The following LDLRAD4 variants were observed in gnomAD, a reference collection of about 807,000 sequenced individuals.
LDLRAD4 encodes low-density lipoprotein receptor class A domain-containing protein 4.
In LDLRAD4, 5 loss-of-function variants were observed where a neutral mutation model predicts 17.0. The ratio of observed to expected loss-of-function variants is 0.29; its 90% CI spans 0.15 to 0.62. The LOEUF (loss-of-function observed/expected upper bound fraction) is 0.62. LDLRAD4 is among the 20% of genes least tolerant of loss of function. The probability of loss-of-function intolerance (pLI) is 0.84; values close to 1 mark genes in which losing one functional copy is unlikely to be tolerated. For missense variants in LDLRAD4, 340 were observed against 424.7 expected, an observed-to-expected ratio of 0.80 and a Z score of 1.75; for synonymous variants, 168 against 171.8, an observed-to-expected ratio of 0.98 and a Z score of 0.17.
chr18:13,225,131 A>C (rs527627134), intron 1 of LDLRAD4, among the ~76,000 whole-genome samples: 3 of 152,304 alleles, frequency 2.0e-5, no homozygotes, highest in Non-Finnish European at 2.9e-5. Context: ...CCACTGCGCC[A>C]GGCCAAGAGT....
At chr18:13,459,838 G>A (rs1212179020) in intron 3 of LDLRAD4, 4 of 153,900 alleles carry the variant, frequency 2.6e-5, no homozygotes, top group African/African-American at 4.8e-5. Flanking sequence ...TGCGCTTTAA[G>A]GAGCACGTGC....
At chr18:13,374,778 G>A (rs559082464) in intron 1 of LDLRAD4, among the ~76,000 whole-genome samples, 1 of 152,206 alleles carries the variant, frequency 6.6e-6, no homozygotes, top group Non-Finnish European at 1.5e-5. Context: ...CACCTGCTAG[G>A]TGTGTGTCTG....
At chr18:13,415,911 C>A (rs2088850900) in intron 2 of LDLRAD4, among the ~76,000 whole-genome samples, 1 of 152,238 alleles carries the variant, frequency 6.6e-6, no homozygotes. Flanking sequence ...CAGGGGAGAG[C>A]CTTCCAGGAT....
intron 1 of LDLRAD4, 81 bp downstream of exon 1, chr18:13,219,069 C>A: frequency 7.3e-6 from 1 of 137,190 alleles, no homozygotes; most frequent in Non-Finnish European, 1.6e-5. Context: ...CTTGTTTAAA[C>A]TTTTTTTTTT....
intron 3 of LDLRAD4, among the ~76,000 whole-genome samples, chr18:13,582,540 C>A (rs1490829106): frequency 6.6e-6 from 1 of 152,178 alleles, no homozygotes; most frequent in Non-Finnish European, 1.5e-5. Flanking sequence ...TTCCTTTGAG[C>A]GATGGGAGGA....
At chr18:13,459,369 G>GT in intron 3 of LDLRAD4, among the ~76,000 whole-genome samples, 1 of 31,734 alleles carries the variant, frequency 3.2e-5, no homozygotes, top group East Asian at 7.0e-4. Flanking sequence ...ATAACATTTG[G>GT]TGTTTTTTTT....
At chr18:13,434,250 T>TG (rs1366444598) in intron 2 of LDLRAD4, among the ~76,000 whole-genome samples, 1 of 150,862 alleles carries the variant, frequency 6.6e-6, no homozygotes, top group Non-Finnish European at 1.5e-5. Flanking sequence ...TCTCCTAAGT[T>TG]TTTTTTTTTT....
At chr18:13,516,995 A>ACATGCTGC (rs1373538978) in intron 3 of LDLRAD4, among the ~76,000 whole-genome samples, 1 of 152,158 alleles carries the variant, frequency 6.6e-6, no homozygotes, top group Non-Finnish European at 1.5e-5. Flanking sequence ...GACTACAGGC[A>ACATGCTGC]CATGCTGCCA....
At chr18:13,516,581 T>C (rs184843970) in intron 3 of LDLRAD4, among the ~76,000 whole-genome samples, 219 of 152,340 alleles carry the variant, frequency 1.4e-3, no homozygotes, top group African/African-American at 4.9e-3. Context: ...TTCGTTTATT[T>C]CTAAAAACCA....
chr18:13,301,477 C>T (rs1295062028), intron 1 of LDLRAD4, among the ~76,000 whole-genome samples: 1 of 152,108 alleles, frequency 6.6e-6, no homozygotes, highest in Non-Finnish European at 1.5e-5. Context: ...TCTGGCTCTG[C>T]ATTCTAAAAT....
intron 3 of LDLRAD4, among the ~76,000 whole-genome samples, chr18:13,524,501 G>C (rs1169605397): frequency 6.6e-6 from 1 of 152,154 alleles, no homozygotes; most frequent in Non-Finnish European, 1.5e-5. Flanking sequence ...TTTGAAGGAA[G>C]GCCCTAAGTT....
intron 1 of LDLRAD4, among the ~76,000 whole-genome samples, chr18:13,264,021 TG>T (rs2044070415): frequency 6.6e-6 from 1 of 151,868 alleles, no homozygotes; most frequent in Admixed American, 6.6e-5. Flanking sequence ...AATATAACCC[TG>T]GGGTGGGCAA....
At chr18:13,603,653 C>T (rs768792800) in intron 3 of LDLRAD4, among the ~76,000 whole-genome samples, 7 of 152,330 alleles carry the variant, frequency 4.6e-5, no homozygotes, top group East Asian at 3.9e-4. Context: ...CCACAGGAAG[C>T]GCCATCTCAG....
chr18:13,387,817 A>C (rs1230191780), intron 2 of LDLRAD4, 55 bp downstream of exon 3: 7 of 1,500,728 alleles, frequency 4.7e-6, no homozygotes, highest in Non-Finnish European at 6.5e-6. Context: ...GAGGCAATAA[A>C]CTCCCAAACC....
At chr18:13,218,031 G>A (rs1390376635), upstream of LDLRAD4, 3 of 151,418 alleles carry the variant, frequency 2.0e-5, no homozygotes, top group Non-Finnish European at 2.9e-5. Flanking sequence ...CTGGCCAGCA[G>A]GGCCGGTGGC....
intron 3 of LDLRAD4, among the ~76,000 whole-genome samples, chr18:13,578,855 T>TTTTTTTG (rs1400353235): frequency 7.1e-6 from 1 of 140,538 alleles, no homozygotes; most frequent in African/African-American, 2.7e-5. Flanking sequence ...TTTTTTTTTT[T>TTTTTTTG]GTCAGAGATC....
At chr18:13,413,464 G>A (rs7240292) in intron 2 of LDLRAD4, among the ~76,000 whole-genome samples, 85,837 of 152,090 alleles carry the variant, frequency 0.56, 27,240 homozygotes, top group Non-Finnish European at 0.72. Context: ...GAATTGCTCC[G>A]TTTAACCTCA....
intron 3 of LDLRAD4, among the ~76,000 whole-genome samples, chr18:13,557,175 A>G (rs2094492550): frequency 6.6e-6 from 1 of 151,966 alleles, no homozygotes; most frequent in Non-Finnish European, 1.5e-5. Flanking sequence ...GCACATGCCC[A>G]TAGTCCTAGC....
chr18:13,372,902 C>T (rs1445404501), intron 1 of LDLRAD4, among the ~76,000 whole-genome samples: 1 of 152,236 alleles, frequency 6.6e-6, no homozygotes, highest in Non-Finnish European at 1.5e-5. Context: ...CTGTGCAGAA[C>T]CGTTCACCAT....
Sources: gnomAD v4.1 joint callset for allele counts (sites outside exome capture counted in the v4.1 genomes callset) on GRCh38, gnomAD v4.1.1 for gene constraint, MANE v1.5 for transcripts, NCBI Gene and HGNC (gene_info 2026-07-23, HGNC 2026-07-21) for gene names.